Variants in CNTLN observed in about 807,000 individuals in gnomAD.
The protein encoded by CNTLN is centlein.
CNTLN carries 212 observed loss-of-function variants against 180.0 expected under a neutral mutation model. The observed-to-expected ratio is 1.18, with a 90% confidence interval of 1.05 to 1.32. CNTLN has a LOEUF of 1.32. Among genes scored for constraint, CNTLN ranks in the 40% most tolerant of loss-of-function variants. CNTLN has a pLI of 0.00. For missense variants in CNTLN, 2,095 were observed against 1,610.9 expected (o/e 1.30, Z -5.14); for synonymous variants, 722 against 563.1 (o/e 1.28, Z -3.99).
At chr9:17,436,394 T>C (rs1175147249) in intron 18 of CNTLN, among the ~76,000 whole-genome samples, 1 of 152,206 alleles carries the variant, frequency 6.6e-6, no homozygotes, top group Non-Finnish European at 1.5e-5. Context: ...TCATATGTTG[T>C]CCAATTACAT....
intron 5 of CNTLN, among the ~76,000 whole-genome samples, chr9:17,238,449 T>C (rs901737713): frequency 4.6e-5 from 7 of 152,158 alleles, no homozygotes; most frequent in Non-Finnish European, 7.3e-5. Context: ...ATAAAAGAAT[T>C]CTCATAGCTA....
At chr9:17,231,459 T>C (rs556463350) in intron 3 of CNTLN, among the ~76,000 whole-genome samples, 1 of 152,198 alleles carries the variant, frequency 6.6e-6, no homozygotes, top group African/African-American at 2.4e-5. Context: ...TTTGTCACTG[T>C]TATAAAACAA....
At chr9:17,468,613 T>C (rs1403891441) in intron 23 of CNTLN, among the ~76,000 whole-genome samples, 1 of 151,532 alleles carries the variant, frequency 6.6e-6, no homozygotes, top group South Asian at 2.1e-4. Context: ...TGTGGCACTT[T>C]AAAAAAGAAG....
At chr9:17,164,045 C>G (rs942372199) in intron 2 of CNTLN, among the ~76,000 whole-genome samples, 1 of 150,734 alleles carries the variant, frequency 6.6e-6, no homozygotes, top group Non-Finnish European at 1.5e-5. Context: ...GAAGCAGTGG[C>G]TCACCCCTGT....
At chr9:17,390,028 C>G (rs371556769) in intron 14 of CNTLN, among the ~76,000 whole-genome samples, 12 of 152,064 alleles carry the variant, frequency 7.9e-5, no homozygotes, top group African/African-American at 1.9e-4. Flanking sequence ...TAGCCATTTA[C>G]AAGCCAAGGA....
At chr9:17,199,952 A>T (rs1001901741) in intron 2 of CNTLN, among the ~76,000 whole-genome samples, 1 of 152,098 alleles carries the variant, frequency 6.6e-6, no homozygotes, top group Non-Finnish European at 1.5e-5. Flanking sequence ...GTTTTCTTCT[A>T]GGGTTTTTAT....
At chr9:17,329,869 G>A (rs1820531958) in intron 8 of CNTLN, among the ~76,000 whole-genome samples, 1 of 151,430 alleles carries the variant, frequency 6.6e-6, no homozygotes, top group Non-Finnish European at 1.5e-5. Flanking sequence ...TTGCCTGTAA[G>A]TCAACAAAAA....
chr9:17,421,321 G>A (rs758219856), intron 18 of CNTLN, among the ~76,000 whole-genome samples: 2 of 151,942 alleles, frequency 1.3e-5, no homozygotes. Context: ...ATTATATAAT[G>A]ACCTTTTCTT....
intron 2 of CNTLN, among the ~76,000 whole-genome samples, chr9:17,202,995 C>T (rs1021872607): frequency 1.5e-4 from 23 of 151,914 alleles, no homozygotes; most frequent in South Asian, 1.0e-3. Context: ...TTCCATATTT[C>T]GTGCTTCCTT....
chr9:17,221,510 G>A (rs1172689208), intron 2 of CNTLN, among the ~76,000 whole-genome samples: 3 of 152,026 alleles, frequency 2.0e-5, no homozygotes, highest in African/African-American at 7.2e-5. Context: ...AAGATAAAGT[G>A]CAAATGGTAA....
intron 18 of CNTLN, among the ~76,000 whole-genome samples, chr9:17,416,612 A>T (rs756477016): frequency 4.6e-5 from 7 of 152,142 alleles, no homozygotes; most frequent in African/African-American, 1.7e-4. Context: ...CTCTTTGCAA[A>T]TGCTAGTATA....
At chr9:17,180,315 T>C (rs1821041800) in intron 2 of CNTLN, among the ~76,000 whole-genome samples, 1 of 147,868 alleles carries the variant, frequency 6.8e-6, no homozygotes, top group Non-Finnish European at 1.5e-5. Flanking sequence ...TGGTGGTATC[T>C]CTTTGTATAT....
At chr9:17,445,955 G>T (rs1290084793) in intron 18 of CNTLN, among the ~76,000 whole-genome samples, 1 of 152,194 alleles carries the variant, frequency 6.6e-6, no homozygotes, top group East Asian at 1.9e-4. Flanking sequence ...GCTGGAGGTG[G>T]GACCTGCGGG....
the CNTLN span, among the ~76,000 whole-genome samples, chr9:17,521,611 A>T: frequency 1.3e-5 from 2 of 152,098 alleles, no homozygotes; most frequent in Admixed American, 6.5e-5. Context: ...AGCTTATTTC[A>T]TATTTAGGAT....
intron 2 of CNTLN, among the ~76,000 whole-genome samples, chr9:17,220,821 C>T (rs187181728): frequency 6.6e-6 from 1 of 152,048 alleles, no homozygotes; most frequent in African/African-American, 2.4e-5. Context: ...GTATATGTAC[C>T]ACATTTTCTT....
intron 2 of CNTLN, among the ~76,000 whole-genome samples, chr9:17,182,572 G>T (rs1170311955): frequency 6.6e-6 from 1 of 152,148 alleles, no homozygotes; most frequent in African/African-American, 2.4e-5. Flanking sequence ...AATTTATTTT[G>T]TCATTGTATT....
rs1193937207 is a variant in CNTLN at position 17,402,703 on chromosome 9, A to G, written c.2616-6590A>G. On this transcript the variant is annotated intron_variant, in intron 15 of 25. Transcript: ENST00000380647. The stretch of plus-strand genomic sequence containing the variant: ...CTCCAGAAAATTGCCTTCAGATTTA[A>G]TCTGCACCATCAGCTCTCCTGGGTC... 1.3e-5 allele frequency among the ~76,000 whole-genome samples: 2 copies of G among 151,760 alleles called. 1 individual carries two copies. Among genetic ancestry groups the G allele is most frequent in the African/African-American group, 4.9e-5 (2 of 41,108 alleles).
At chr9:17,514,946 G>A in the CNTLN span, among the ~76,000 whole-genome samples, 13 of 152,164 alleles carry the variant, frequency 8.5e-5, no homozygotes, top group African/African-American at 3.1e-4. Context: ...TAGGATAAAG[G>A]AAAAGAAAAC....
At chr9:17,493,278 AT>A (rs1475838825) in intron 25 of CNTLN, among the ~76,000 whole-genome samples, 1 of 152,162 alleles carries the variant, frequency 6.6e-6, no homozygotes, top group Admixed American at 6.6e-5. Context: ...CTAAAGTAGG[AT>A]TTATAGTCAA....
Sources: allele counts gnomAD v4.1 joint callset (sites outside exome capture counted in the v4.1 genomes callset), GRCh38; gene constraint gnomAD v4.1.1; transcripts MANE v1.5; gene names NCBI Gene and HGNC (gene_info 2026-07-23, HGNC 2026-07-21).